Variants in NAV2 observed in about 807,000 individuals in gnomAD.
NAV2 encodes helicase, APC down-regulated 1.
A neutral mutation model predicts 223.2 loss-of-function variants in NAV2; 54 were observed. The observed-to-expected ratio is 0.24, with a 90% CI of 0.19 to 0.30. NAV2 has a LOEUF of 0.30. NAV2 is among the 10% of genes least tolerant of loss of function. The probability of loss-of-function intolerance (pLI) is 1.00; values close to 1 mark genes in which losing one functional copy is unlikely to be tolerated. For synonymous variants in NAV2, 1,279 were observed against 1,239.3 expected, an observed-to-expected ratio of 1.03 and a Z score of -0.67; for missense variants, 2,806 against 3,147.5, an observed-to-expected ratio of 0.89 and a Z score of 2.60.
intron 1 of NAV2, among the ~76,000 whole-genome samples, chr11:19,687,118 G>C (rs2049044637): frequency 6.6e-6 from 1 of 152,176 alleles, no homozygotes; most frequent in Non-Finnish European, 1.5e-5. Flanking sequence ...AAACTGCCCA[G>C]AGGCTCAGAA....
At chr11:19,731,582 G>T (rs1326908562) in intron 1 of NAV2, among the ~76,000 whole-genome samples, 1 of 152,182 alleles carries the variant, frequency 6.6e-6, no homozygotes, top group Non-Finnish European at 1.5e-5. Flanking sequence ...ATTGAGGGAG[G>T]TATCTCAGAA....
In NAV2 at chr11:20,059,775, T is replaced by C. The variant is rs533554905; in HGVS notation, c.4832-2532T>C. Among the ~76,000 whole-genome samples the C allele has an allele frequency of 3.7e-4, 57 of 152,350 alleles. 1 individual carries two copies. In the South Asian group the frequency reaches 0.011, roughly 30 times the overall value. ...CCTAGATATTCTCTATGGTTCCTTG[T>C]AGCTGAAAAAATGTGAGGTATAGCT... On this transcript the variant is annotated intron_variant, in intron 19 of 37. Coordinates refer to ENST00000349880, the MANE Select transcript of NAV2 (RefSeq NM_145117.5).
chr11:19,794,771 A>G (rs2057778772), intron 1 of NAV2, among the ~76,000 whole-genome samples: 2 of 152,138 alleles, frequency 1.3e-5, no homozygotes, highest in South Asian at 2.1e-4. Flanking sequence ...TTTCCCTCAC[A>G]TAATTGTGAA....
At position 19,768,365 on chromosome 11, in the gene NAV2, A is replaced by G. The variant is rs147956442; in HGVS notation, c.267+54403A>G. ...TGGTGCAGTTTGCTGTGCTTGCCTAATATCAGTCAGCGAAGTAGAGTTTGA... is the reference window on the plus strand; with the variant it reads ...TGGTGCAGTTTGCTGTGCTTGCCTAGTATCAGTCAGCGAAGTAGAGTTTGA... On this transcript the variant is annotated intron_variant, in intron 1 of 37. Transcript: ENST00000349880. Among the ~76,000 whole-genome samples, 697 of 152,204 alleles carry G rather than the reference A, an allele frequency of 4.6e-3. 5 individuals carry two copies. The highest frequency in any genetic ancestry group is 0.012 in the South Asian group (59 of 4,804).
chr11:19,655,834 C>T (rs1032989506), intron 1 of NAV2, among the ~76,000 whole-genome samples: 6 of 151,864 alleles, frequency 4.0e-5, no homozygotes, highest in South Asian at 2.1e-4. Context: ...ATGGCACATG[C>T]ATACATATGT....
At position 20,044,225 on chromosome 11, in the gene NAV2, G is replaced by A; in HGVS notation, c.3152G>A (p.Arg1051Lys). The change falls in exon 13 of 38, where the codon AGG becomes AAG. Residue 1051 changes from arginine to lysine, a missense_variant. Coordinates refer to ENST00000349880, the MANE Select transcript of NAV2 (RefSeq NM_145117.5). ...GCTCAGGTGGGCATCACCATGCCAA[G>A]GACGAAGCCTTCAGCCCCGGCAGGC... ...MTAQVGITMP[R>K]TKPSAPAGAL... 6.2e-7 allele frequency: 1 copy of A among 1,613,898 alleles called. No homozygotes were observed. Among genetic ancestry groups the A allele is most frequent in the Non-Finnish European group, 8.5e-7 (1 of 1,179,804 alleles).
At chr11:19,822,841 A>T (rs1346656302) in intron 1 of NAV2, among the ~76,000 whole-genome samples, 1 of 152,210 alleles carries the variant, frequency 6.6e-6, no homozygotes, top group Non-Finnish European at 1.5e-5. Context: ...TCAGATGGGG[A>T]ATAGAGAACC....
In NAV2 at chr11:19,580,128, G is replaced by C. The variant is rs564827257; in HGVS notation, c.75+229101G>C. On this transcript the variant is annotated intron_variant, in intron 1 of 37. Transcript: ENST00000360655. ...TGACTGGTGCTGTTGACCCAACCGG[G>C]GGGTGGGGCTTCCAGGGCTCGCTAA... is the stretch of plus-strand genomic sequence containing the variant. Among the ~76,000 whole-genome samples the C allele has an allele frequency of 1.2e-4, 19 of 152,214 alleles. No homozygotes were observed. In the East Asian group the frequency reaches 3.7e-3, roughly 30 times the overall value.
chr11:19,645,827 T>G (rs566850189), intron 1 of NAV2, among the ~76,000 whole-genome samples: 1 of 152,214 alleles, frequency 6.6e-6, no homozygotes, highest in African/African-American at 2.4e-5. Context: ...CAACGCTGGT[T>G]GGATGAGGTG....
chr11:19,934,614 G>A (rs2045679571), intron 7 of NAV2, among the ~76,000 whole-genome samples: 1 of 152,104 alleles, frequency 6.6e-6, no homozygotes, highest in African/African-American at 2.4e-5. Context: ...GGTGGGGGCG[G>A]TTTGGTGTCA....
intron 1 of NAV2, among the ~76,000 whole-genome samples, chr11:19,792,140 T>G (rs1366708631): frequency 2.0e-5 from 3 of 152,192 alleles, no homozygotes; most frequent in Admixed American, 2.0e-4. Context: ...GTAATTAAAT[T>G]TAGAGACTGA....
chr11:19,481,724 C>T (rs951757140), intron 1 of NAV2, among the ~76,000 whole-genome samples: 1 of 152,198 alleles, frequency 6.6e-6, no homozygotes, highest in African/African-American at 2.4e-5. Flanking sequence ...TTAAACATTC[C>T]ATGCTGGCTG....
intron 1 of NAV2, among the ~76,000 whole-genome samples, chr11:19,753,805 C>G (rs2054029417): frequency 6.6e-6 from 1 of 152,254 alleles, no homozygotes; most frequent in East Asian, 1.9e-4. Flanking sequence ...CCATGGAGAG[C>G]TCCTTTAAGG....
chr11:20,011,096 C>T (rs1015513128), intron 11 of NAV2, among the ~76,000 whole-genome samples: 2 of 152,150 alleles, frequency 1.3e-5, no homozygotes, highest in South Asian at 2.1e-4. Context: ...TGCTGTTAGG[C>T]CATCAAACTA....
intron 26 of NAV2, 38 bp from the exon 27 acceptor site, chr11:20,090,827 A>G (rs2289560): frequency 0.32 from 514,872 of 1,601,850 alleles, 87,117 homozygotes; most frequent in East Asian, 0.62. Flanking sequence ...GGGGACTAAA[A>G]GGAGCTGCTT....
intron 1 of NAV2, among the ~76,000 whole-genome samples, chr11:19,441,446 A>ATG (rs1554933569): frequency 3.2e-5 from 4 of 123,996 alleles, no homozygotes; most frequent in African/African-American, 9.4e-5. Context: ...ACACACACAC[A>ATG]CGCACACACA....
At chr11:19,729,340 T>C (rs1334051349) in intron 1 of NAV2, among the ~76,000 whole-genome samples, 1 of 152,004 alleles carries the variant, frequency 6.6e-6, no homozygotes, top group African/African-American at 2.4e-5. Context: ...GGTGGAGAGC[T>C]CTGGTGGACA....
chr11:19,743,757 G>A (rs2053075772), intron 1 of NAV2, among the ~76,000 whole-genome samples: 1 of 152,264 alleles, frequency 6.6e-6, no homozygotes, highest in Non-Finnish European at 1.5e-5. Flanking sequence ...AAAGAGCCTA[G>A]TGCTCAGAGT....
chr11:19,420,097 C>T lies in NAV2; in HGVS notation c.75+69070C>T, dbSNP rs188413291. 3.5e-4 allele frequency among the ~76,000 whole-genome samples: 53 copies of T among 152,230 alleles called. 1 individual carries two copies. The highest frequency in any genetic ancestry group is 1.2e-3 in the African/African-American group (50 of 41,536). On this transcript the variant is annotated intron_variant, in intron 1 of 37. Transcript: ENST00000360655. ...TTTAAAAGTTACATTGACCTATGGG[C>T]GGTTGTGTTTTTCCCATGTCACTGT...
Sources: allele counts gnomAD v4.1 joint callset (sites outside exome capture counted in the v4.1 genomes callset), GRCh38; gene constraint gnomAD v4.1.1; transcripts MANE v1.5; gene names NCBI Gene and HGNC (gene_info 2026-07-23, HGNC 2026-07-21).